UBIAD1: variants seen among roughly 807,000 people sequenced by gnomAD.
The protein encoded by UBIAD1 is ubiA prenyltransferase domain-containing protein 1.
In UBIAD1, 12 loss-of-function variants were observed where a neutral mutation model predicts 20.1. That is an observed-to-expected ratio of 0.60 (90% confidence interval 0.38 to 0.97). UBIAD1 has a LOEUF of 0.97. UBIAD1 is among the 50% of genes least tolerant of loss of function. The probability of loss-of-function intolerance (pLI) is 0.00; values close to 1 mark genes in which losing one functional copy is unlikely to be tolerated. For missense variants in UBIAD1, 333 were observed against 419.5 expected (o/e 0.79, Z 1.80); for synonymous variants, 207 against 189.2 (o/e 1.09, Z -0.77).
chr1:11,298,483 C>T (rs1569916833), downstream of UBIAD1, among the ~76,000 whole-genome samples: 1 of 152,092 alleles, frequency 6.6e-6, no homozygotes, highest in African/African-American at 2.4e-5. This position sits in a 1 kb window ranked among gnomAD's most constrained non-coding sequence, Gnocchi z 4.0. Context: ...AGGAGAATCA[C>T]TTAAACCTGG....
chr1:11,275,783 A>G (rs943091040), intron 1 of UBIAD1, among the ~76,000 whole-genome samples: 2 of 152,038 alleles, frequency 1.3e-5, no homozygotes, highest in Non-Finnish European at 2.9e-5. Context: ...GAAGGAGGTA[A>G]GAGGTGAGGG....
chr1:11,288,652 A>C (rs1331041816), downstream of UBIAD1, among the ~76,000 whole-genome samples: 1 of 152,216 alleles, frequency 6.6e-6, no homozygotes, highest in Non-Finnish European at 1.5e-5. Flanking sequence ...TCACGCTTGT[A>C]ATCACAGTAA....
In UBIAD1 at chr1:11,273,453, C is replaced by T; in HGVS notation, c.-79C>T. The T allele has an allele frequency of 6.3e-7, 1 of 1,575,534 alleles. No homozygotes were observed. The highest frequency in any genetic ancestry group is 8.7e-7 in the Non-Finnish European group (1 of 1,155,482). ...GAAGGAAGGTCGGGCCCTGCTGCCC[C>T]GCCCCGTCCTTCCTCCTTCCCGGGC... On this transcript the variant is annotated 5_prime_UTR_variant, in exon 1 of 2. Transcript: ENST00000376810. This position sits in a 1 kb window ranked among gnomAD's most constrained non-coding sequence, Gnocchi z 4.9.
At chr1:11,294,999 G>C (rs1031135528) in exon 2 of UBIAD1, 2 of 714,762 alleles carry the variant, frequency 2.8e-6, no homozygotes, top group African/African-American at 3.5e-5. Flanking sequence ...CCTTCGAGGA[G>C]AGGGAAGTGA....
In UBIAD1 at chr1:11,286,545, T is replaced by C; in HGVS notation, c.*414T>C. 1 of 299,734 alleles carries C rather than the reference T, an allele frequency of 3.3e-6. No individual in the cohort carries two copies. Among genetic ancestry groups the C allele is most frequent in the South Asian group, 3.2e-5 (1 of 31,620 alleles). The allele number at this position is 299,734 out of a possible 1,614,324, so 18.6% of individuals were successfully genotyped here. On this transcript the variant is annotated 3_prime_UTR_variant, in exon 2 of 2. Transcript: ENST00000376810. ...ATAACTAGGCAGAGTGTTGTCCTGC[T>C]TTCTTCGTCTCGTAGGATGTGCTAT...
chr1:11,292,702 C>T (rs958906662), downstream of UBIAD1, among the ~76,000 whole-genome samples: 1 of 151,236 alleles, frequency 6.6e-6, no homozygotes, highest in African/African-American at 2.5e-5. Flanking sequence ...CACACACACA[C>T]ACACACACAC....
intron 1 of UBIAD1, chr1:11,278,537 A>G (rs1652135070): frequency 1.2e-6 from 1 of 836,960 alleles, no homozygotes; most frequent in Non-Finnish European, 1.6e-6. Flanking sequence ...GGTATTTTGC[A>G]TTGTGATATT....
intron 1 of UBIAD1, among the ~76,000 whole-genome samples, chr1:11,281,855 T>G (rs1652251479): frequency 6.6e-6 from 1 of 152,236 alleles, no homozygotes; most frequent in African/African-American, 2.4e-5. Context: ...TGTGTATTTA[T>G]TTCAGTCTGA....
At chr1:11,297,426 C>A (rs1638465788), downstream of UBIAD1, among the ~76,000 whole-genome samples, 1 of 151,258 alleles carries the variant, frequency 6.6e-6, no homozygotes, top group Non-Finnish European at 1.5e-5. Context: ...TGAGACATTT[C>A]TGTTGTGTAT....
Position 11,285,826 on chromosome 1 carries a change from G to A in UBIAD1, c.712G>A (p.Glu238Lys). ...CCATTCCAACAACACCAGGGACATG[G>A]AGTCCGACCGGGAGGCTGGTATCGT... ...ILHSNNTRDM[E>K]SDREAGIVTL... The change falls in exon 2 of 2, where the codon GAG (glutamate) becomes AAG (lysine). Residue 238 changes from glutamate to lysine, a missense_variant. By Grantham distance (56) the Glu-to-Lys change is moderately conservative. Coordinates refer to ENST00000376810, the MANE Select transcript of UBIAD1 (RefSeq NM_013319.3). This position sits in a 1 kb window ranked among gnomAD's most constrained non-coding sequence, Gnocchi z 4.4. 6.2e-7 allele frequency: 1 copy of A among 1,614,158 alleles called. No individual in the cohort carries two copies. Among genetic ancestry groups the A allele is most frequent in the Non-Finnish European group, 8.5e-7 (1 of 1,180,026 alleles).
At chr1:11,296,526 C>T (rs1048749021), downstream of UBIAD1, among the ~76,000 whole-genome samples, 1 of 152,012 alleles carries the variant, frequency 6.6e-6, no homozygotes, top group African/African-American at 2.4e-5. Context: ...CCCTGTCCCC[C>T]CCTTTGTTTT....
intron 1 of UBIAD1, chr1:11,294,827 TC>T: frequency 1.4e-6 from 1 of 717,476 alleles, no homozygotes; most frequent in South Asian, 1.5e-5. Flanking sequence ...AAATTTATGC[TC>T]CTGTCCCCTC....
chr1:11,276,408 A>G (rs1441417793), intron 1 of UBIAD1, among the ~76,000 whole-genome samples: 1 of 152,014 alleles, frequency 6.6e-6, no homozygotes, highest in East Asian at 1.9e-4. Flanking sequence ...TCATGCCTGT[A>G]ATCTCAGCAC....
chr1:11,274,199 A>G (rs1651907684), intron 1 of UBIAD1, 139 bp downstream of exon 1: 1 of 1,142,664 alleles, frequency 8.8e-7, no homozygotes, highest in South Asian at 1.3e-5. Context: ...ATTGTGGGTG[A>G]TGTGAATTTT....
downstream of UBIAD1, among the ~76,000 whole-genome samples, chr1:11,291,062 A>G (rs1007758699): frequency 2.6e-4 from 40 of 152,336 alleles, no homozygotes; most frequent in Admixed American, 1.6e-3. Flanking sequence ...ATGCAGATTA[A>G]TATGATCTGA....
At chr1:11,296,612 T>C (rs1335826597), downstream of UBIAD1, among the ~76,000 whole-genome samples, 1 of 152,128 alleles carries the variant, frequency 6.6e-6, no homozygotes, top group Admixed American at 6.5e-5. Flanking sequence ...TCAACCTCCC[T>C]GGGCTCAGGT....
rs776710265 is a variant in UBIAD1, at chr1:11,273,942, C to T, written c.411C>T (p.Phe137=). Residue 137 remains phenylalanine, a synonymous_variant, in exon 1 of 2, where the codon TTC becomes TTT. Transcript: ENST00000376810. The surrounding 1 kb of genome is among the most constrained non-coding windows in gnomAD (Gnocchi z 4.9). ...AGGATGTCGTCCGGTTCGGAGTCTTCCTCTACACGTTGGGCTGCGTCTGTG... is the reference window on the plus strand; with the variant it reads ...AGGATGTCGTCCGGTTCGGAGTCTTTCTCTACACGTTGGGCTGCGTCTGTG... ...EPQDVVRFGV[F]LYTLGCVCAA... The T allele has an allele frequency of 5.6e-6, 9 of 1,614,234 alleles. No individual in the cohort carries two copies. In the Admixed American group the frequency reaches 1.5e-4, roughly 27 times the overall value.
At chr1:11,291,606 C>CAAAA (rs771883369), downstream of UBIAD1, among the ~76,000 whole-genome samples, 125 of 56,366 alleles carry the variant, frequency 2.2e-3, 1 homozygote, top group African/African-American at 6.6e-3. Context: ...GACTTCATCT[C>CAAAA]AAAAAAAAAA....
At chr1:11,275,638 G>A (rs1464892804) in intron 1 of UBIAD1, among the ~76,000 whole-genome samples, 1 of 152,144 alleles carries the variant, frequency 6.6e-6, no homozygotes, top group Non-Finnish European at 1.5e-5. Flanking sequence ...CAGCTACTTT[G>A]GAGGCTGAGG....
Sources: allele counts gnomAD v4.1 joint callset (sites outside exome capture counted in the v4.1 genomes callset), GRCh38; gene constraint gnomAD v4.1.1; non-coding constraint Gnocchi (gnomAD v3.1); transcripts MANE v1.5; gene names NCBI Gene and HGNC (gene_info 2026-07-23, HGNC 2026-07-21).